Variants in TEX261 observed in about 807,000 individuals in gnomAD.
TEX261 encodes testis expressed 261, also known as protein TEX261.
TEX261 carries 13 observed loss-of-function variants against 25.1 expected under a neutral mutation model. The ratio of observed to expected loss-of-function variants is 0.52; its 90% confidence interval spans 0.34 to 0.82. The LOEUF (loss-of-function observed/expected upper bound fraction) is 0.82, where lower values mean the gene tolerates loss of function less well. Ranked by LOEUF, TEX261 falls within the 40% of genes least tolerant of loss-of-function variation. The pLI is 0.02. For missense variants in TEX261, 206 were observed against 243.2 expected (o/e 0.85, Z 1.02); for synonymous variants, 92 against 97.8 (o/e 0.94, Z 0.35).
Position 70,993,676 on chromosome 2 carries a change from T to C in TEX261, c.150+20A>G, listed in dbSNP as rs1553425882. 6.2e-7 allele frequency: 1 copy of C among 1,606,324 alleles called. No homozygotes were observed. On this transcript the variant is annotated intron_variant, in intron 2 of 5. Coordinates refer to ENST00000272438, the MANE Select transcript of TEX261 (RefSeq NM_144582.3). Reference sequence around the variant, plus strand: ...AGGGCAAAAGAGTGAGGAGGACTCCTGGAGAAAGATGCCACTTACCCAGAT... The same window carrying C: ...AGGGCAAAAGAGTGAGGAGGACTCCCGGAGAAAGATGCCACTTACCCAGAT...
intron 4 of TEX261, chr2:70,989,294 C>A: frequency 3.9e-6 from 2 of 517,552 alleles, no homozygotes; most frequent in Non-Finnish European, 3.5e-6. Flanking sequence ...AAGTGCTAAG[C>A]CATGACTGAC....
rs1553425198 is a variant in TEX261 at position 70,988,605 on chromosome 2, A to G, written c.586T>C (p.Tyr196His). The change falls in exon 6 of 6, where the codon TAC (tyrosine) becomes CAC (histidine). Residue 196 changes from tyrosine to histidine, a missense_variant. Transcript: ENST00000272438. ...EAILPSRQKI[Y>H] ...ACATCCTGCCTGCATGGGGGTCAGT[A>G]TATCTTCTGACGACTGGGTAGAATG... 1 of 1,612,928 alleles carries G rather than the reference A, an allele frequency of 6.2e-7. No individual in the cohort carries two copies. Among genetic ancestry groups the G allele is most frequent in the Middle Eastern group, 1.7e-4 (1 of 6,056 alleles).
At chr2:70,992,334 G>A (rs1397433575) in intron 2 of TEX261, among the ~76,000 whole-genome samples, 1 of 152,112 alleles carries the variant, frequency 6.6e-6, no homozygotes, top group Non-Finnish European at 1.5e-5. Context: ...ATGTTGGCCA[G>A]GCTGGTCTCA....
At chr2:70,991,607 A>AT (rs1452692687) in intron 3 of TEX261, among the ~76,000 whole-genome samples, 2 of 152,158 alleles carry the variant, frequency 1.3e-5, no homozygotes, top group African/African-American at 4.8e-5. Context: ...CCTCTCTGGG[A>AT]AAGCCCTCCC....
At position 70,993,744 on chromosome 2, in the gene TEX261, T is replaced by C; in HGVS notation, c.102A>G (p.Ile34Met). ...TGCTGGTGGCCACTGTGTATTCTTC[T>C]ATCAGTTCTGCCAGGTAATAGAGTC... ...AAGLYYLAEL[I>M]EEYTVATSRI... The change falls in exon 2 of 6, where the codon ATA becomes ATG. Residue 34 changes from isoleucine to methionine, a missense_variant. Physicochemically the swap from Ile to Met is conservative, Grantham distance 10. Coordinates refer to ENST00000272438, the MANE Select transcript of TEX261 (RefSeq NM_144582.3). The C allele has an allele frequency of 6.2e-7, 1 of 1,613,384 alleles. No individual in the cohort carries two copies.
chr2:70,991,258 G>A (rs1166392847), intron 3 of TEX261, among the ~76,000 whole-genome samples: 5 of 152,206 alleles, frequency 3.3e-5, no homozygotes, highest in South Asian at 2.1e-4. Flanking sequence ...GATTCCCCAG[G>A]GTCAGAAAGT....
chr2:70,989,689 G>C, intron 4 of TEX261, 60 bp downstream of exon 4: 1 of 1,127,518 alleles, frequency 8.9e-7, no homozygotes, highest in Middle Eastern at 2.0e-4. Flanking sequence ...AGTAAACCAT[G>C]CAAGTTCCCT....
In TEX261 at chr2:70,989,888, C is replaced by T. The variant is rs577725302; in HGVS notation, c.305-72G>A. 2.5e-6 allele frequency: 3 copies of T among 1,187,680 alleles called. No homozygotes were observed. The East Asian group carries it at 7.0e-5, about 28-fold the overall frequency. The allele number at this position is 1,187,680 out of a possible 1,614,324, so 73.6% of individuals were successfully genotyped here. A position where few individuals can be genotyped will look rare whatever the true frequency, so the allele number is the denominator to read the frequency against. ...AGCTGTACTTTTAACTTCAAAAGGC[C>T]CTCAGAAGTTGGGAGCCTCCATGGA... On this transcript the variant is annotated intron_variant, in intron 3 of 5. Transcript: ENST00000272438.
At chr2:70,989,073 G>A (rs1572940903) in intron 4 of TEX261, 56 bp from the exon 5 acceptor site, 1 of 1,486,332 alleles carries the variant, frequency 6.7e-7, no homozygotes, top group Non-Finnish European at 9.3e-7. Flanking sequence ...GAGTGGGCTG[G>A]GTGTGGTGAC....
In TEX261 at chr2:70,986,153, G is replaced by A. The variant is rs1476217097; in HGVS notation, c.*2447C>T. On this transcript the variant is annotated 3_prime_UTR_variant, in exon 6 of 6. Transcript: ENST00000272438. ...GAGAGTATAGCCAAAGCTCCTTGGAGGAAGTCAAGTCTAAGTTGAGATTTG... is the reference window on the plus strand; with the variant it reads ...GAGAGTATAGCCAAAGCTCCTTGGAAGAAGTCAAGTCTAAGTTGAGATTTG... 1.3e-5 allele frequency: 2 copies of A among 152,434 alleles called. No homozygotes were observed. The highest frequency in any genetic ancestry group is 2.9e-5 in the Non-Finnish European group (2 of 68,076). The allele number at this position is 152,434 out of a possible 1,614,324, so 9.4% of individuals were successfully genotyped here.
At position 70,987,128 on chromosome 2, in the gene TEX261, G is replaced by A. The variant is rs1670203168; in HGVS notation, c.*1472C>T. The stretch of plus-strand genomic sequence containing the variant: ...ACCAAGCAGCAGAGGGAGGAAAGTA[G>A]GGCCAGCTGTCAGCCCAATGGGAGG... On this transcript the variant is annotated 3_prime_UTR_variant, in exon 6 of 6. Coordinates refer to ENST00000272438, the MANE Select transcript of TEX261 (RefSeq NM_144582.3). 1 of 152,280 alleles carries A rather than the reference G, an allele frequency of 6.6e-6. No individual in the cohort carries two copies. Among genetic ancestry groups the A allele is most frequent in the African/African-American group, 2.4e-5 (1 of 41,448 alleles). The allele number at this position is 152,280 out of a possible 1,614,324, so 9.4% of individuals were successfully genotyped here.
At position 70,988,514 on chromosome 2, in the gene TEX261, TTCCCGACTTC is replaced by T; in HGVS notation, c.*76_*85del. 9.3e-7 allele frequency: 1 copy of T among 1,071,728 alleles called. No individual in the cohort carries two copies. Among genetic ancestry groups the T allele is most frequent in the Admixed American group, 1.8e-5 (1 of 56,138 alleles). The allele number at this position is 1,071,728 out of a possible 1,614,324, so 66.4% of individuals were successfully genotyped here. ...AAAGCCAGGGCAGGTGGTAGGTGCC[TTCCCGACTTC>T]TGGTCCCCACCTGGCATAGAGGCCC... is the stretch of plus-strand genomic sequence containing the variant. On this transcript the variant is annotated 3_prime_UTR_variant, in exon 6 of 6. Coordinates refer to ENST00000272438, the MANE Select transcript of TEX261 (RefSeq NM_144582.3).
rs1670235534 is a variant in TEX261, at chr2:70,988,538, G to A, written c.*62C>T. 1.9e-5 allele frequency: 25 copies of A among 1,337,990 alleles called. No homozygotes were observed. In the Admixed American group the frequency reaches 2.2e-4, roughly 12 times the overall value. 82.9% of individuals were successfully genotyped at this position (1,337,990 alleles called of 1,614,324 possible). A position where few individuals can be genotyped will look rare whatever the true frequency, so the allele number is the denominator to read the frequency against. ...CTTCCCGACTTCTGGTCCCCACCTG[G>A]CATAGAGGCCCAGGGGCCTGACTCT... On this transcript the variant is annotated 3_prime_UTR_variant, in exon 6 of 6. Coordinates refer to ENST00000272438, the MANE Select transcript of TEX261 (RefSeq NM_144582.3).
chr2:70,991,853 G>A lies in TEX261; in HGVS notation c.281C>T (p.Ser94Leu), dbSNP rs1558693703. Residue 94 changes from serine (S) to leucine (L), a missense_variant, in exon 3 of 6, where the codon TCG becomes TTG. Coordinates refer to ENST00000272438, the MANE Select transcript of TEX261 (RefSeq NM_144582.3). ...ACCACACGACAGGATGAAGTTAGGC[G>A]AGGTCAGCATGATGAAGGGGAAGGT... is the stretch of plus-strand genomic sequence containing the variant. The part of the protein sequence containing the change: ...LQTFPFIMLT[S>L]PNFILSCGLV... The A allele has an allele frequency of 1.2e-6, 2 of 1,613,540 alleles. No individual in the cohort carries two copies. The highest frequency in any genetic ancestry group is 1.7e-6 in the Non-Finnish European group (2 of 1,179,746).
intron 3 of TEX261, among the ~76,000 whole-genome samples, chr2:70,990,529 C>T (rs1440070989): frequency 6.6e-6 from 1 of 152,160 alleles, no homozygotes; most frequent in African/African-American, 2.4e-5. Flanking sequence ...AAGAGACAGT[C>T]ATCCCTGCCG....
intron 2 of TEX261, 120 bp downstream of exon 2, chr2:70,993,576 T>C (rs1490362358): frequency 1.2e-6 from 1 of 828,418 alleles, no homozygotes; most frequent in African/African-American, 1.7e-5. Flanking sequence ...GAGGTAAGAG[T>C]GTATGCTCAG....
At chr2:70,994,366 G>A in intron 1 of TEX261, 1 of 474,654 alleles carries the variant, frequency 2.1e-6, no homozygotes, top group South Asian at 2.2e-5. Context: ...GGTAGGCGTT[G>A]GGGAAAAGTT....
intron 1 of TEX261, 97 bp downstream of exon 1, chr2:70,994,591 G>T: frequency 6.6e-7 from 1 of 1,505,326 alleles, no homozygotes; most frequent in South Asian, 1.2e-5. Context: ...GCCGGGCAGT[G>T]GTCCCCCGAG....
Position 70,988,432 on chromosome 2 carries a change from G to A in TEX261, c.*168C>T. 1.6e-6 allele frequency: 1 copy of A among 609,724 alleles called. No individual in the cohort carries two copies. Among genetic ancestry groups the A allele is most frequent in the East Asian group, 2.8e-5 (1 of 35,970 alleles). 37.8% of individuals were successfully genotyped at this position (609,724 alleles called of 1,614,324 possible). A position where few individuals can be genotyped will look rare whatever the true frequency, so the allele number is the denominator to read the frequency against. On this transcript the variant is annotated 3_prime_UTR_variant, in exon 6 of 6. Coordinates refer to ENST00000272438, the MANE Select transcript of TEX261 (RefSeq NM_144582.3). ...TACAGCCTCTTGAAGCATCAGATCT[G>A]AGCCAAGCTGAGCCCCCCAAGGAGG... is the stretch of plus-strand genomic sequence containing the variant.
Sources: gnomAD v4.1 joint callset for allele counts (sites outside exome capture counted in the v4.1 genomes callset) on GRCh38, gnomAD v4.1.1 for gene constraint, MANE v1.5 for transcripts, NCBI Gene and HGNC (gene_info 2026-07-23, HGNC 2026-07-21) for gene names.